Variants in ZNF563 observed in about 807,000 individuals in gnomAD.
ZNF563 encodes zinc finger protein 563.
Under a neutral mutation model 48.5 loss-of-function variants are expected in ZNF563, and 39 were observed. The observed-to-expected ratio is 0.80, with a 90% CI of 0.62 to 1.05. The LOEUF (loss-of-function observed/expected upper bound fraction) is 1.05. ZNF563 is among the 50% of genes least tolerant of loss of function. ZNF563 has a pLI of 0.00. For synonymous variants in ZNF563, 168 were observed against 187.9 expected (o/e 0.89, Z 0.87); for missense variants, 538 against 597.0 (o/e 0.90, Z 1.03).
intron 2 of ZNF563, among the ~76,000 whole-genome samples, chr19:12,322,046 TTATTA>T (rs1191994124): frequency 2.0e-5 from 3 of 152,068 alleles, no homozygotes; most frequent in African/African-American, 7.2e-5. Flanking sequence ...CAACTTTTTT[TTATTA>T]TTTTATTTTA....
chr19:12,321,874 AGATAAG>A, intron 2 of ZNF563, among the ~76,000 whole-genome samples: 1 of 152,178 alleles, frequency 6.6e-6, no homozygotes, highest in South Asian at 2.1e-4. Flanking sequence ...CTCAATGTAA[AGATAAG>A]GATAAAGACC....
In ZNF563 at chr19:12,320,041, C is replaced by T. The variant is rs890230547; in HGVS notation, c.192-208G>A. ...AAGCGATTCTCCTGCCTCAGCCTCC[C>T]AAGTAGCCGGGATTAGAGAGGCATA... On this transcript the variant is annotated intron_variant, in intron 3 of 3. Coordinates refer to ENST00000293725, the MANE Select transcript of ZNF563 (RefSeq NM_145276.3). 3.9e-5 allele frequency among the ~76,000 whole-genome samples: 6 copies of T among 152,156 alleles called. No homozygotes were observed. In the South Asian group the frequency reaches 1.0e-3, roughly 26 times the overall value.
At chr19:12,343,290 A>T in the ZNF563 span, among the ~76,000 whole-genome samples, 2 of 152,084 alleles carry the variant, frequency 1.3e-5, no homozygotes, top group Non-Finnish European at 2.9e-5. Context: ...GGAAGCGCAA[A>T]CTTCTTTAAA....
chr19:12,326,487 T>C (rs756779934), intron 1 of ZNF563, among the ~76,000 whole-genome samples: 7 of 151,904 alleles, frequency 4.6e-5, no homozygotes, highest in African/African-American at 2.4e-5. Context: ...CTAATAAAAA[T>C]ACAAAAATTA....
At chr19:12,346,473 CT>C in the ZNF563 span, 1 of 152,118 alleles carries the variant, frequency 6.6e-6, no homozygotes, top group Non-Finnish European at 1.5e-5. Flanking sequence ...AATAGAAACC[CT>C]TATGCATTGC....
At chr19:12,344,144 G>T in the ZNF563 span, among the ~76,000 whole-genome samples, 5 of 151,942 alleles carry the variant, frequency 3.3e-5, no homozygotes, top group Non-Finnish European at 5.9e-5. Context: ...TGTAATCCCA[G>T]CACTTTCAGA....
At position 12,318,660 on chromosome 19, in the gene ZNF563, C is replaced by T; in HGVS notation, c.1365G>A (p.Gly455=). 1 of 1,614,158 alleles carries T rather than the reference C, an allele frequency of 6.2e-7. No homozygotes were observed. ...ATACACTGGGATAAACAAAGGCTTT[C>T]CCACATACCTTGCATTTATTCGGCC... is the stretch of plus-strand genomic sequence containing the variant. The part of the protein sequence containing the change: ...GDGPNKCKVC[G]KAFVYPSVCQ... The change falls in exon 4 of 4, where the codon GGG becomes GGA. Residue 455 remains glycine, a synonymous_variant. Transcript: ENST00000293725.
chr19:12,340,793 A>G, the ZNF563 span, among the ~76,000 whole-genome samples: 2 of 152,118 alleles, frequency 1.3e-5, no homozygotes, highest in African/African-American at 4.8e-5. Context: ...AAAAAAGTCA[A>G]CTACGAATCT....
At chr19:12,340,758 C>T in the ZNF563 span, among the ~76,000 whole-genome samples, 16 of 151,424 alleles carry the variant, frequency 1.1e-4, no homozygotes, top group African/African-American at 1.7e-4. Flanking sequence ...GTCTGGGCGA[C>T]AGAGTAAGAC....
intron 1 of ZNF563, among the ~76,000 whole-genome samples, chr19:12,328,560 G>C (rs958976853): frequency 1.3e-5 from 2 of 152,020 alleles, no homozygotes; most frequent in African/African-American, 4.8e-5. Flanking sequence ...ATCACCTGAG[G>C]TCGGGAGTTC....
the ZNF563 span, among the ~76,000 whole-genome samples, chr19:12,344,318 G>A: frequency 5.5e-5 from 8 of 146,120 alleles, no homozygotes; most frequent in East Asian, 2.0e-4. Context: ...ACCTGAGCCC[G>A]CACCACTCCA....
chr19:12,343,059 TG>T, the ZNF563 span, among the ~76,000 whole-genome samples: 1 of 151,600 alleles, frequency 6.6e-6, no homozygotes, highest in African/African-American at 2.4e-5. Context: ...TATCCAGGTG[TG>T]GTGGCAAGCA....
At chr19:12,336,691 T>C (rs1969024421), upstream of ZNF563, among the ~76,000 whole-genome samples, 1 of 152,202 alleles carries the variant, frequency 6.6e-6, no homozygotes, top group Admixed American at 6.5e-5. Context: ...AACTGTTGTG[T>C]AAAACAACTA....
chr19:12,323,423 T>A (rs1049788647), intron 1 of ZNF563, among the ~76,000 whole-genome samples: 8 of 152,214 alleles, frequency 5.3e-5, no homozygotes, highest in African/African-American at 1.9e-4. Flanking sequence ...AATGTATACA[T>A]GGATCAATGG....
At chr19:12,332,669 G>T (rs1267528331) in intron 1 of ZNF563, among the ~76,000 whole-genome samples, 1 of 151,954 alleles carries the variant, frequency 6.6e-6, no homozygotes, top group African/African-American at 2.4e-5. Flanking sequence ...ACCATCAAAC[G>T]CCTCAATTTA....
At chr19:12,339,282 T>C in the ZNF563 span, among the ~76,000 whole-genome samples, 1,356 of 143,130 alleles carry the variant, frequency 9.5e-3, 25 homozygotes, top group African/African-American at 0.034. Flanking sequence ...TCTTTTTTTT[T>C]TTTTTTTTTT....
the ZNF563 span, among the ~76,000 whole-genome samples, chr19:12,345,395 T>C: frequency 6.6e-6 from 1 of 152,038 alleles, no homozygotes; most frequent in East Asian, 1.9e-4. Flanking sequence ...GATAGGCCAA[T>C]GGAATAGAGT....
intron 1 of ZNF563, among the ~76,000 whole-genome samples, chr19:12,325,645 C>G (rs1319203429): frequency 6.6e-6 from 1 of 152,086 alleles, no homozygotes; most frequent in African/African-American, 2.4e-5. Flanking sequence ...GTGAGGAGAC[C>G]CTTATTTTCA....
chr19:12,324,446 G>T (rs146220676), intron 1 of ZNF563, among the ~76,000 whole-genome samples: 1 of 151,996 alleles, frequency 6.6e-6, no homozygotes, highest in Non-Finnish European at 1.5e-5. Flanking sequence ...GGCCGGGTGC[G>T]GTGGCTCACA....
Sources: gnomAD v4.1 joint callset for allele counts (sites outside exome capture counted in the v4.1 genomes callset) on GRCh38, gnomAD v4.1.1 for gene constraint, MANE v1.5 for transcripts, NCBI Gene and HGNC (gene_info 2026-07-23, HGNC 2026-07-21) for gene names.